The following PCDH15 variants were observed in gnomAD, a reference collection of about 807,000 sequenced individuals.
PCDH15 encodes protocadherin-15.
PCDH15 carries 129 observed loss-of-function variants against 178.5 expected under a neutral mutation model. That is an observed-to-expected ratio of 0.72 (90% CI 0.63 to 0.84). PCDH15 has a LOEUF of 0.84. Among genes scored for constraint, PCDH15 ranks in the 40% least tolerant of loss-of-function variants. PCDH15 has a pLI of 0.00. For synonymous variants in PCDH15, 800 were observed against 732.0 expected (o/e 1.09, Z -1.50); for missense variants, 2,230 against 2,099.9 (o/e 1.06, Z -1.21).
intron 14 of PCDH15, among the ~76,000 whole-genome samples, chr10:54,135,905 A>G (rs2133101812): frequency 6.6e-6 from 1 of 152,334 alleles, no homozygotes; most frequent in Admixed American, 6.5e-5. Flanking sequence ...AAATAAGTTT[A>G]TATATTTGTA....
chr10:55,447,667 A>C (rs1359254341), intron 2 of PCDH15, among the ~76,000 whole-genome samples: 2 of 152,092 alleles, frequency 1.3e-5, no homozygotes, highest in Non-Finnish European at 2.9e-5. Flanking sequence ...TATTTTTCTA[A>C]CTTCAGGACT....
intron 2 of PCDH15, among the ~76,000 whole-genome samples, chr10:55,329,559 A>T (rs1194197282): frequency 6.6e-6 from 1 of 151,788 alleles, no homozygotes; most frequent in Non-Finnish European, 1.5e-5. Context: ...AAATTTACTA[A>T]GAAAATTATA....
chr10:55,187,767 A>G (rs541695251), intron 1 of PCDH15, among the ~76,000 whole-genome samples: 159 of 152,134 alleles, frequency 1.0e-3, no homozygotes, highest in African/African-American at 2.9e-3. Flanking sequence ...CATGTAACAG[A>G]GAGAGGCTGT....
chr10:54,739,138 G>T lies in PCDH15; in HGVS notation c.-29+61787C>A, dbSNP rs141966985. 5.7e-3 allele frequency among the ~76,000 whole-genome samples: 867 copies of T among 151,970 alleles called. 6 individuals carry two copies. Among genetic ancestry groups the T allele is most frequent in the African/African-American group, 0.017 (706 of 41,494 alleles). ...AATTGTCCTTTTTTGCAGATGATAT[G>T]ATCTTATATTTAGAACATAAATATT... On this transcript the variant is annotated intron_variant, in intron 1 of 37. Coordinates refer to ENST00000644397, the MANE Select transcript of PCDH15 (RefSeq NM_001384140.1).
At chr10:54,420,077 T>C (rs1346929818) in intron 3 of PCDH15, among the ~76,000 whole-genome samples, 1 of 152,060 alleles carries the variant, frequency 6.6e-6, no homozygotes, top group Non-Finnish European at 1.5e-5. Context: ...GTTGCTTACA[T>C]GGAAATGTTG....
intron 2 of PCDH15, among the ~76,000 whole-genome samples, chr10:55,393,951 A>T (rs1837860849): frequency 6.6e-6 from 1 of 152,162 alleles, no homozygotes; most frequent in African/African-American, 2.4e-5. Flanking sequence ...CCCATTTCAC[A>T]TGTGCTTGCC....
intron 21 of PCDH15, among the ~76,000 whole-genome samples, chr10:53,972,667 C>T (rs1293608742): frequency 6.6e-6 from 1 of 152,174 alleles, no homozygotes; most frequent in Non-Finnish European, 1.5e-5. Context: ...GACATTTATG[C>T]AGCCAACAGA....
chr10:54,337,167 C>A (rs1941347582), intron 6 of PCDH15, among the ~76,000 whole-genome samples: 1 of 151,940 alleles, frequency 6.6e-6, no homozygotes, highest in African/African-American at 2.4e-5. Flanking sequence ...TAGGAAGTAA[C>A]TAACTTACTT....
Position 54,953,370 on chromosome 10 carries a change from C to T in PCDH15, c.-79-55870G>A, listed in dbSNP as rs530376023. ...CAGAATTGAGTATATGAAATAAATCCCACTTTGCTGTAGTGTATACTTTTA... is the reference window on the plus strand; with the variant it reads ...CAGAATTGAGTATATGAAATAAATCTCACTTTGCTGTAGTGTATACTTTTA... On this transcript the variant is annotated intron_variant, in intron 2 of 5. Coordinates refer to the PCDH15 transcript ENST00000458638. Among the ~76,000 whole-genome samples the T allele has an allele frequency of 7.9e-5, 12 of 151,194 alleles. No homozygotes were observed. In the East Asian group the frequency reaches 2.1e-3, roughly 27 times the overall value.
intron 3 of PCDH15, among the ~76,000 whole-genome samples, chr10:54,426,803 T>G (rs2135934121): frequency 6.6e-6 from 1 of 152,338 alleles, no homozygotes; most frequent in South Asian, 2.1e-4. Context: ...TTAGGGCTAT[T>G]ATTTTATCTT....
chr10:54,821,869 G>C (rs184470437), intron 3 of PCDH15, among the ~76,000 whole-genome samples: 1 of 152,052 alleles, frequency 6.6e-6, no homozygotes, highest in East Asian at 1.9e-4. Flanking sequence ...GTTTCTTTTG[G>C]TATGGTGATT....
intron 2 of PCDH15, among the ~76,000 whole-genome samples, chr10:55,401,697 C>G (rs1838075350): frequency 6.7e-6 from 1 of 149,546 alleles, no homozygotes; most frequent in African/African-American, 2.5e-5. Flanking sequence ...ATAGATAATG[C>G]TGATTAGGGG....
At chr10:55,392,979 ATGTGTGTGTGTGTGTGTG>A (rs10546546) in intron 2 of PCDH15, among the ~76,000 whole-genome samples, 3 of 144,058 alleles carry the variant, frequency 2.1e-5, no homozygotes, top group African/African-American at 5.1e-5. Flanking sequence ...ACTAAAGTGT[ATGTGTGTGTGTGTGTGTG>A]TGTGTGTGTG....
intron 3 of PCDH15, among the ~76,000 whole-genome samples, chr10:54,866,035 T>C (rs566286916): frequency 9.5e-4 from 145 of 152,272 alleles, no homozygotes; most frequent in African/African-American, 3.4e-3. Context: ...GTGAGGACTT[T>C]GATAGATGAG....
chr10:54,637,020 C>A (rs1280400720), intron 2 of PCDH15, among the ~76,000 whole-genome samples: 1 of 151,262 alleles, frequency 6.6e-6, no homozygotes, highest in Non-Finnish European at 1.5e-5. Context: ...TATGGCATAG[C>A]GTACCTTCTT....
chr10:54,185,406 T>TTG, intron 11 of PCDH15, 138 bp from the exon 12 acceptor site: 1 of 963,290 alleles, frequency 1.0e-6, no homozygotes, highest in Non-Finnish European at 1.6e-6. Context: ...AAAAGATATT[T>TTG]AACTAGATAT....
At chr10:53,838,470 A>T (rs910363502) in intron 29 of PCDH15, among the ~76,000 whole-genome samples, 1 of 151,836 alleles carries the variant, frequency 6.6e-6, no homozygotes, top group African/African-American at 2.4e-5. Context: ...TTTTCCCCAA[A>T]TATTTAATCT....
At chr10:54,819,296 C>A (rs142469426) in intron 3 of PCDH15, among the ~76,000 whole-genome samples, 1 of 151,972 alleles carries the variant, frequency 6.6e-6, no homozygotes, top group African/African-American at 2.4e-5. Context: ...ATTAGTGTAT[C>A]TAATATCTCT....
At chr10:54,883,357 G>C (rs1954297872) in intron 3 of PCDH15, among the ~76,000 whole-genome samples, 1 of 151,930 alleles carries the variant, frequency 6.6e-6, no homozygotes, top group Admixed American at 6.6e-5. Flanking sequence ...CCAAAGAAAA[G>C]GAATTTTATA....
Sources: gnomAD v4.1 joint callset for allele counts (sites outside exome capture counted in the v4.1 genomes callset) on GRCh38, gnomAD v4.1.1 for gene constraint, MANE v1.5 for transcripts, NCBI Gene and HGNC (gene_info 2026-07-23, HGNC 2026-07-21) for gene names.